Variants in NCKAP5 observed in about 807,000 individuals in gnomAD.
The protein encoded by NCKAP5 is nck-associated protein 5.
In NCKAP5, 92 loss-of-function variants were observed where a neutral mutation model predicts 167.0. That is an observed-to-expected ratio of 0.55 (90% CI 0.47 to 0.66). NCKAP5 has a LOEUF of 0.66. NCKAP5 is among the 30% of genes least tolerant of loss of function. NCKAP5 has a pLI of 0.00. For missense variants in NCKAP5, 2,378 were observed against 2,315.0 expected, an observed-to-expected ratio of 1.03 and a Z score of -0.56; for synonymous variants, 891 against 877.4, an observed-to-expected ratio of 1.02 and a Z score of -0.27.
chr2:133,225,995 G>A (rs1046363262), intron 4 of NCKAP5, among the ~76,000 whole-genome samples: 3 of 151,826 alleles, frequency 2.0e-5, no homozygotes, highest in African/African-American at 4.8e-5. Context: ...TGTTGGCCAG[G>A]ATGGTCTCAA....
intron 4 of NCKAP5, among the ~76,000 whole-genome samples, chr2:133,238,576 C>T (rs933388298): frequency 3.3e-5 from 5 of 152,198 alleles, no homozygotes; most frequent in African/African-American, 9.6e-5. Context: ...TACTTACTTA[C>T]ATTTGTCTAG....
the NCKAP5 span, among the ~76,000 whole-genome samples, chr2:133,628,610 A>G: frequency 6.6e-6 from 1 of 152,208 alleles, no homozygotes. Context: ...ACTACCATTG[A>G]CATTCTTCAC....
At chr2:132,879,716 C>G (rs1401394232) in intron 8 of NCKAP5, among the ~76,000 whole-genome samples, 2 of 152,192 alleles carry the variant, frequency 1.3e-5, no homozygotes, top group Non-Finnish European at 2.9e-5. Flanking sequence ...CCGCTCTAAG[C>G]CCACAAGCAA....
chr2:133,295,190 C>A (rs1192744472), intron 4 of NCKAP5, among the ~76,000 whole-genome samples: 2 of 152,144 alleles, frequency 1.3e-5, no homozygotes, highest in Non-Finnish European at 2.9e-5. Context: ...GCCCTTAAGT[C>A]ACCCAGCCCA....
At chr2:132,890,817 C>G (rs970517742) in intron 8 of NCKAP5, among the ~76,000 whole-genome samples, 1 of 152,140 alleles carries the variant, frequency 6.6e-6, no homozygotes, top group African/African-American at 2.4e-5. Flanking sequence ...AGTATCCAGA[C>G]CCAGACAATG....
At chr2:133,593,032 CATTCCTGG>C in the NCKAP5 span, among the ~76,000 whole-genome samples, 1 of 152,186 alleles carries the variant, frequency 6.6e-6, no homozygotes, top group South Asian at 2.1e-4. Flanking sequence ...GAACCATGAG[CATTCCTGG>C]ATTGTCCTTC....
chr2:133,405,775 C>T (rs1329326452), intron 3 of NCKAP5, among the ~76,000 whole-genome samples: 1 of 152,234 alleles, frequency 6.6e-6, no homozygotes, highest in Non-Finnish European at 1.5e-5. Context: ...CTCACTTCTG[C>T]CTCAGAGGCT....
chr2:133,080,768 A>G (rs2080775804), intron 6 of NCKAP5, among the ~76,000 whole-genome samples: 2 of 152,270 alleles, frequency 1.3e-5, no homozygotes, highest in South Asian at 4.2e-4. Context: ...GCAAATACAA[A>G]TGTAAAAATT....
intron 5 of NCKAP5, among the ~76,000 whole-genome samples, chr2:133,189,243 G>T (rs2085093722): frequency 6.6e-6 from 1 of 152,094 alleles, no homozygotes; most frequent in East Asian, 1.9e-4. Context: ...GGAAGAAGTT[G>T]AATCTCTGAA....
chr2:133,385,508 C>G (rs1686881936), intron 3 of NCKAP5, among the ~76,000 whole-genome samples: 1 of 152,092 alleles, frequency 6.6e-6, no homozygotes, highest in East Asian at 1.9e-4. Flanking sequence ...CTAAAATTCT[C>G]TTTTTTTGTT....
chr2:132,873,245 AG>A (rs1287300531), intron 9 of NCKAP5, among the ~76,000 whole-genome samples: 1 of 151,998 alleles, frequency 6.6e-6, no homozygotes, highest in Non-Finnish European at 1.5e-5. Flanking sequence ...CTGGGACTAC[AG>A]GCGCCCACCA....
At chr2:132,863,148 C>T (rs1178296697) in intron 10 of NCKAP5, among the ~76,000 whole-genome samples, 1 of 152,274 alleles carries the variant, frequency 6.6e-6, no homozygotes, top group Admixed American at 6.5e-5. Flanking sequence ...TAGAATTCAA[C>T]CTCTGTCTGT....
At chr2:133,350,228 A>G (rs1309092256) in intron 3 of NCKAP5, among the ~76,000 whole-genome samples, 2 of 152,122 alleles carry the variant, frequency 1.3e-5, no homozygotes, top group African/African-American at 2.4e-5. Context: ...TGTGGGCAAC[A>G]TAGTGAGATC....
intron 11 of NCKAP5, among the ~76,000 whole-genome samples, chr2:132,846,179 G>A (rs1188691228): frequency 1.3e-5 from 2 of 152,042 alleles, no homozygotes; most frequent in African/African-American, 4.8e-5. Flanking sequence ...ATTCTTCACG[G>A]TTTCTTTCTT....
At chr2:133,651,341 T>G in the NCKAP5 span, among the ~76,000 whole-genome samples, 1 of 152,168 alleles carries the variant, frequency 6.6e-6, no homozygotes. Flanking sequence ...AAATATGGGC[T>G]AAGGACTTGG....
the NCKAP5 span, among the ~76,000 whole-genome samples, chr2:133,643,653 C>T: frequency 2.0e-5 from 3 of 152,160 alleles, no homozygotes; most frequent in Admixed American, 1.3e-4. Flanking sequence ...ATCCATTTTC[C>T]ATTTAACTCC....
chr2:133,213,236 CCAAATGG>C (rs930466226), intron 5 of NCKAP5, among the ~76,000 whole-genome samples: 4 of 152,026 alleles, frequency 2.6e-5, no homozygotes, highest in African/African-American at 9.7e-5. Flanking sequence ...CATCAGTTTT[CCAAATGG>C]CACAAGCTGA....
chr2:132,946,472 C>G lies in NCKAP5; in HGVS notation c.579+17248G>C, dbSNP rs536425620. 1.6e-4 allele frequency among the ~76,000 whole-genome samples: 25 copies of G among 152,260 alleles called. No individual in the cohort carries two copies. The South Asian group carries it at 5.2e-3, about 32-fold the overall frequency. ...AAAAAACTATTTATCTTTCTAATAG[C>G]GTTGACTATACTCTCACTGCCCCTA... On this transcript the variant is annotated intron_variant, in intron 8 of 19. Coordinates refer to ENST00000409261, the MANE Select transcript of NCKAP5 (RefSeq NM_207363.3).
At chr2:133,098,853 C>T (rs114962385) in intron 6 of NCKAP5, among the ~76,000 whole-genome samples, 3,158 of 152,192 alleles carry the variant, frequency 0.021, 110 homozygotes, top group African/African-American at 0.073. Flanking sequence ...GGAGTTTCTG[C>T]AGATTTTAAA....
Sources: allele counts gnomAD v4.1 joint callset (sites outside exome capture counted in the v4.1 genomes callset), GRCh38; gene constraint gnomAD v4.1.1; transcripts MANE v1.5; gene names NCBI Gene and HGNC (gene_info 2026-07-23, HGNC 2026-07-21).